ARL10: variants seen among roughly 807,000 people sequenced by gnomAD.
ARL10 encodes ADP-ribosylation factor-like protein 10.
Under a neutral mutation model 26.1 loss-of-function variants are expected in ARL10, and 23 were observed. The ratio of observed to expected loss-of-function variants is 0.88; its 90% CI spans 0.63 to 1.25. The LOEUF is 1.25. Among genes scored for constraint, ARL10 ranks in the 50% most tolerant of loss-of-function variants. ARL10 has a pLI of 0.00. For missense variants in ARL10, 300 were observed against 323.6 expected (o/e 0.93, Z 0.56); for synonymous variants, 138 against 149.1 (o/e 0.93, Z 0.54).
intron 1 of ARL10, among the ~76,000 whole-genome samples, chr5:176,398,293 T>C (rs1425431486): frequency 1.3e-5 from 2 of 152,214 alleles, no homozygotes; most frequent in Non-Finnish European, 2.9e-5. Context: ...GGCCCAGTTA[T>C]AGGTTTTGAT....
chr5:176,392,949 C>T (rs762194839), downstream of ARL10: 41 of 1,613,938 alleles, frequency 2.5e-5, no homozygotes, highest in East Asian at 6.7e-5. This position sits in a 1 kb window ranked among gnomAD's most constrained non-coding sequence, Gnocchi z 5.2. Context: ...GGATGCCCTG[C>T]GGGTGGAGAT....
At chr5:176,411,140 GC>G in the ARL10 span, among the ~76,000 whole-genome samples, 2 of 152,188 alleles carry the variant, frequency 1.3e-5, no homozygotes, top group Admixed American at 1.3e-4. Flanking sequence ...CTGTGACTTT[GC>G]AGGTGCTCAA....
the ARL10 span, among the ~76,000 whole-genome samples, chr5:176,411,456 C>T: frequency 6.6e-6 from 1 of 152,242 alleles, no homozygotes; most frequent in Non-Finnish European, 1.5e-5. Flanking sequence ...CCCTCACTCC[C>T]TTCAGCTTCT....
Position 176,372,187 on chromosome 5 carries a change from G to C in ARL10, c.*292G>C. The C allele has an allele frequency of 1.1e-6, 1 of 899,034 alleles. No individual in the cohort carries two copies. The highest frequency in any genetic ancestry group is 1.5e-6 in the Non-Finnish European group (1 of 673,000). 55.7% of individuals were successfully genotyped at this position (899,034 alleles called of 1,614,324 possible). A position where few individuals can be genotyped will look rare whatever the true frequency, so the allele number is the denominator to read the frequency against. ...AGCTTTCCCTTCTCTTACCTGTACAGTGAGATGCTCAGTGGGCTCAATCCT... is the reference window on the plus strand; with the variant it reads ...AGCTTTCCCTTCTCTTACCTGTACACTGAGATGCTCAGTGGGCTCAATCCT... On this transcript the variant is annotated 3_prime_UTR_variant, in exon 4 of 4. Coordinates refer to ENST00000310389, the MANE Select transcript of ARL10 (RefSeq NM_173664.6).
chr5:176,384,893 A>G, downstream of ARL10: 2 of 527,820 alleles, frequency 3.8e-6, no homozygotes, highest in South Asian at 3.1e-5. Flanking sequence ...GTGTAGCCGG[A>G]TCTTTCAACT....
chr5:176,368,672 G>A lies in ARL10; in HGVS notation c.386-135G>A. 1 of 1,046,340 alleles carries A rather than the reference G, an allele frequency of 9.6e-7. No homozygotes were observed. The highest frequency in any genetic ancestry group is 1.7e-5 in the South Asian group (1 of 59,298). 64.8% of individuals were successfully genotyped at this position (1,046,340 alleles called of 1,614,324 possible). On this transcript the variant is annotated intron_variant, in intron 2 of 3. Coordinates refer to ENST00000310389, the MANE Select transcript of ARL10 (RefSeq NM_173664.6). This position sits in a 1 kb window ranked among gnomAD's most constrained non-coding sequence, Gnocchi z 4.1. ...AAGCTAGAAGCAGGGTGGGGTGGGGGCTGTGGGCAGTGAGCGGGGGCCCGG... is the reference window on the plus strand; with the variant it reads ...AAGCTAGAAGCAGGGTGGGGTGGGGACTGTGGGCAGTGAGCGGGGGCCCGG...
At chr5:176,384,036 G>T (rs1382466207), downstream of ARL10, 1 of 1,543,484 alleles carries the variant, frequency 6.5e-7, no homozygotes, top group East Asian at 2.4e-5. Context: ...ACCCCCAGAT[G>T]AATATAAATT....
chr5:176,389,059 G>T, downstream of ARL10: 1 of 1,525,384 alleles, frequency 6.6e-7, no homozygotes, highest in South Asian at 1.2e-5. Flanking sequence ...CGCTAGCGGG[G>T]AGCGGAAGGA....
chr5:176,408,809 C>G, the ARL10 span, among the ~76,000 whole-genome samples: 1 of 152,212 alleles, frequency 6.6e-6, no homozygotes, highest in Non-Finnish European at 1.5e-5. Flanking sequence ...CGTAAGCCGC[C>G]GTGCCCGGCT....
intron 1 of ARL10, among the ~76,000 whole-genome samples, chr5:176,399,278 A>G (rs1192240301): frequency 6.6e-6 from 1 of 152,224 alleles, no homozygotes; most frequent in Non-Finnish European, 1.5e-5. Context: ...TTTGTTGAGT[A>G]GAGAAGCATC....
At chr5:176,386,362 C>T (rs887449334), downstream of ARL10, 5 of 214,234 alleles carry the variant, frequency 2.3e-5, no homozygotes, top group Non-Finnish European at 4.8e-5. Context: ...CTTAAACTCC[C>T]TGACAGGTAA....
downstream of ARL10, chr5:176,384,013 G>A (rs1334665866): frequency 2.0e-6 from 3 of 1,538,100 alleles, no homozygotes; most frequent in Non-Finnish European, 2.6e-6. Flanking sequence ...AGCAGGTTCT[G>A]GCTTTTCCGT....
At chr5:176,370,664 C>T (rs1302597127) in intron 3 of ARL10, among the ~76,000 whole-genome samples, 2 of 152,184 alleles carry the variant, frequency 1.3e-5, no homozygotes, top group Admixed American at 6.5e-5. Flanking sequence ...GGAATCACAT[C>T]ATGTCCTATT....
At chr5:176,403,481 G>A (rs1581435597), downstream of ARL10, among the ~76,000 whole-genome samples, 1 of 151,394 alleles carries the variant, frequency 6.6e-6, no homozygotes, top group African/African-American at 2.4e-5. Context: ...TTGAGATGGA[G>A]TCTCGCTCTG....
At chr5:176,384,182 C>T (rs778460098), downstream of ARL10, 27 of 1,614,128 alleles carry the variant, frequency 1.7e-5, no homozygotes, top group Non-Finnish European at 2.2e-5. Flanking sequence ...GCTCCAGCTT[C>T]ACTGGTCCGG....
intron 3 of ARL10, among the ~76,000 whole-genome samples, chr5:176,369,996 A>G (rs1258643814): frequency 6.6e-6 from 1 of 151,968 alleles, no homozygotes; most frequent in East Asian, 1.9e-4. Context: ...GGGACGTGTA[A>G]TGCTAAAGCT....
intron 1 of ARL10, 22 bp from the exon 2 acceptor site, chr5:176,366,358 C>G (rs757020692): frequency 6.3e-7 from 1 of 1,595,756 alleles, no homozygotes; most frequent in Non-Finnish European, 8.5e-7. Flanking sequence ...CCAGCCGCAA[C>G]CTTACCTCCG....
rs1426851330 is a variant in ARL10 at position 176,368,770 on chromosome 5, C to G, written c.386-37C>G. ...GGGGCTGTGGGCAGTGAGCGGGGGCCCGGGAGGCTCTGAGCTGGCCCCTGG... is the reference window on the plus strand; with the variant it reads ...GGGGCTGTGGGCAGTGAGCGGGGGCGCGGGAGGCTCTGAGCTGGCCCCTGG... On this transcript the variant is annotated intron_variant, in intron 2 of 3. Transcript: ENST00000310389. The surrounding 1 kb of genome is among the most constrained non-coding windows in gnomAD (Gnocchi z 4.1). The G allele has an allele frequency of 3.2e-6, 5 of 1,568,514 alleles. No individual in the cohort carries two copies. The highest frequency in any genetic ancestry group is 4.3e-6 in the Non-Finnish European group (5 of 1,156,102).
rs1768690126 is a variant in ARL10 at position 176,376,166 on chromosome 5, C to T, written c.*4271C>T. 6.6e-6 allele frequency: 1 copy of T among 152,126 alleles called. No individual in the cohort carries two copies. Among genetic ancestry groups the T allele is most frequent in the Non-Finnish European group, 1.5e-5 (1 of 68,040 alleles). The allele number at this position is 152,126 out of a possible 1,614,324, so 9.4% of individuals were successfully genotyped here. A position where few individuals can be genotyped will look rare whatever the true frequency, so the allele number is the denominator to read the frequency against. On this transcript the variant is annotated 3_prime_UTR_variant, in exon 4 of 4. Coordinates refer to ENST00000310389, the MANE Select transcript of ARL10 (RefSeq NM_173664.6). ...CACGAGGTCAGGAGATCGAGACAATCCTGGCTAACACAGTGAAACCCTGTC... is the reference window on the plus strand; with the variant it reads ...CACGAGGTCAGGAGATCGAGACAATTCTGGCTAACACAGTGAAACCCTGTC...
Sources: gnomAD v4.1 joint callset for allele counts (sites outside exome capture counted in the v4.1 genomes callset) on GRCh38, gnomAD v4.1.1 for gene constraint, Gnocchi (gnomAD v3.1) non-coding constraint, MANE v1.5 for transcripts, NCBI Gene and HGNC (gene_info 2026-07-23, HGNC 2026-07-21) for gene names.